Variants in SLC61A1 observed in about 807,000 individuals in gnomAD.
The protein encoded by SLC61A1 is solute carrier family 61 member 1.
chr12:53,252,443 G>A, the SLC61A1 span: 4 of 1,292,624 alleles, frequency 3.1e-6, no homozygotes, highest in Admixed American at 7.7e-5. Flanking sequence ...CAGAGGATGA[G>A]ACACTGAGGG....
chr12:53,253,774 C>CCTG, the SLC61A1 span: 1 of 1,614,228 alleles, frequency 6.2e-7, no homozygotes, highest in South Asian at 1.1e-5. Context: ...AGCCCATGCA[C>CCTG]CTGCTGTCCC....
chr12:53,251,930 G>T, the SLC61A1 span: 1 of 1,537,284 alleles, frequency 6.5e-7, no homozygotes, highest in South Asian at 1.2e-5. Flanking sequence ...AGAGGAGCAG[G>T]TGTCACGGGA....
the SLC61A1 span, chr12:53,253,031 C>G: frequency 1.2e-6 from 2 of 1,614,230 alleles, no homozygotes; most frequent in Non-Finnish European, 1.7e-6. Context: ...CCTCTATAAA[C>G]TCTACCAGCA....
the SLC61A1 span, chr12:53,252,585 T>A: frequency 1.5e-6 from 2 of 1,320,660 alleles, no homozygotes; most frequent in Non-Finnish European, 2.0e-6. Flanking sequence ...CAAGGATGGG[T>A]TGAGTGCCCA....
the SLC61A1 span, chr12:53,254,053 G>A: frequency 1.9e-6 from 3 of 1,614,182 alleles, no homozygotes; most frequent in Admixed American, 5.0e-5. Flanking sequence ...CAGGCACTCG[G>A]AATATGTTCA....
At chr12:53,252,241 G>C in the SLC61A1 span, 1 of 1,408,276 alleles carries the variant, frequency 7.1e-7, no homozygotes, top group Non-Finnish European at 9.2e-7. Context: ...GGACGTGTCC[G>C]GGGCGTCCCC....
chr12:53,253,787 G>C, the SLC61A1 span: 1 of 1,614,182 alleles, frequency 6.2e-7, no homozygotes, highest in African/African-American at 1.3e-5. Flanking sequence ...GCTGTCCCTT[G>C]CTGTGCTCAT....
At chr12:53,252,827 G>A in the SLC61A1 span, 6 of 1,613,428 alleles carry the variant, frequency 3.7e-6, no homozygotes, top group Non-Finnish European at 5.1e-6. Context: ...GGTCGTCCGG[G>A]GGCCCACCAT....
the SLC61A1 span, chr12:53,251,956 C>T: frequency 6.5e-7 from 1 of 1,537,038 alleles, no homozygotes; most frequent in Non-Finnish European, 8.7e-7. Context: ...GCGAGCGAGG[C>T]CAGGCCAGGA....
chr12:53,251,736 G>C, the SLC61A1 span: 4 of 1,535,504 alleles, frequency 2.6e-6, no homozygotes, highest in Non-Finnish European at 3.5e-6. Flanking sequence ...CTCTTGCATG[G>C]AGGTCACTGC....
chr12:53,253,499 T>C, the SLC61A1 span: 3 of 1,614,096 alleles, frequency 1.9e-6, no homozygotes, highest in Non-Finnish European at 2.5e-6. Context: ...CCTTCGAAAC[T>C]GGGGGGAGAA....
chr12:53,253,580 G>T, the SLC61A1 span: 17 of 1,613,800 alleles, frequency 1.1e-5, no homozygotes, highest in African/African-American at 1.3e-5. Context: ...GGACCGCCGC[G>T]TGCTGCTGTT....
the SLC61A1 span, chr12:53,254,120 G>A: frequency 2.5e-5 from 40 of 1,614,050 alleles, no homozygotes; most frequent in Middle Eastern, 4.9e-4. Context: ...ACTCTTCACC[G>A]TGGTAAGGCA....
chr12:53,253,974 G>C, the SLC61A1 span: 1 of 1,614,178 alleles, frequency 6.2e-7, no homozygotes, highest in African/African-American at 1.3e-5. Context: ...GTACTCAACT[G>C]GTTCCGGGTA....
chr12:53,253,734 G>A, the SLC61A1 span: 25 of 1,613,766 alleles, frequency 1.5e-5, 1 homozygote, highest in South Asian at 9.9e-5. Context: ...TCCCTGTACC[G>A]TATCGCCACC....
chr12:53,253,572 A>T, the SLC61A1 span: 1 of 1,613,964 alleles, frequency 6.2e-7, no homozygotes, highest in Non-Finnish European at 8.5e-7. Context: ...CTCCTGTCGG[A>T]CCGCCGCGTG....
the SLC61A1 span, chr12:53,254,171 T>A: frequency 6.2e-7 from 1 of 1,613,964 alleles, no homozygotes; most frequent in Non-Finnish European, 8.5e-7. Flanking sequence ...TGAGGAGCCC[T>A]ATGCCCCTGA....
the SLC61A1 span, chr12:53,254,242 G>A: frequency 8.3e-6 from 13 of 1,570,070 alleles, no homozygotes; most frequent in East Asian, 1.1e-4. Context: ...AGCTATCCGG[G>A]ATTGTACAGA....
At chr12:53,252,114 G>C in the SLC61A1 span, 1 of 1,448,324 alleles carries the variant, frequency 6.9e-7, no homozygotes, top group Non-Finnish European at 9.0e-7. Flanking sequence ...AGCCATCATG[G>C]CGGCGGCCAG....
Sources: allele counts gnomAD v4.1 joint callset, GRCh38; gene constraint gnomAD v4.1.1; transcripts MANE v1.5; gene names NCBI Gene and HGNC (gene_info 2026-07-23, HGNC 2026-07-21).